The following LSP1 variants were observed in gnomAD, a reference collection of about 807,000 sequenced individuals.
The protein encoded by LSP1 is lymphocyte specific protein 1.
LSP1 carries 32 observed loss-of-function variants against 49.3 expected under a neutral mutation model. The ratio of observed to expected loss-of-function variants is 0.65; its 90% CI spans 0.49 to 0.87. The LOEUF (loss-of-function observed/expected upper bound fraction) is 0.87, where lower values mean the gene tolerates loss of function less well. LSP1 is among the 40% of genes least tolerant of loss of function. The probability of loss-of-function intolerance (pLI) is 0.00; values close to 1 mark genes in which losing one functional copy is unlikely to be tolerated. For missense variants in LSP1, 428 were observed against 442.6 expected (o/e 0.97, Z 0.30); for synonymous variants, 179 against 178.8 (o/e 1.00, Z -0.01).
chr11:1,854,118 G>C (rs1233207755), intron 1 of LSP1, among the ~76,000 whole-genome samples: 1 of 151,922 alleles, frequency 6.6e-6, no homozygotes, highest in African/African-American at 2.4e-5. Context: ...AGGGCTTTGA[G>C]GGGCAGAGGG....
chr11:1,883,423 G>A lies in LSP1; in HGVS notation c.361G>A (p.Gly121Ser), dbSNP rs770351321. 54 of 1,613,876 alleles carry A rather than the reference G, an allele frequency of 3.3e-5. No homozygotes were observed. The highest frequency in any genetic ancestry group is 6.7e-5 in the African/African-American group (5 of 74,928). ...TGCCTCCCTTTCCACCCACAGGCCC[G>A]GCCTGCATGCCTACGAAAAGGAGGA... Reference protein sequence around the residue: ...SPEGEQEDRPGLHAYEKEDSD... With the variant: ...SPEGEQEDRPSLHAYEKEDSD... The change falls in exon 4 of 11, where the codon GGC becomes AGC. Residue 121 changes from glycine (G) to serine (S), a missense_variant. By Grantham distance (56) the Gly-to-Ser change is moderately conservative. Transcript: ENST00000311604.
intron 1 of LSP1, chr11:1,869,131 C>A: frequency 1.5e-5 from 8 of 520,762 alleles, no homozygotes; most frequent in East Asian, 1.3e-4. Context: ...TTGGCCCCTG[C>A]CCCAGGCTCC....
At chr11:1,865,867 C>A (rs553368204) in intron 1 of LSP1, among the ~76,000 whole-genome samples, 1 of 152,140 alleles carries the variant, frequency 6.6e-6, no homozygotes, top group African/African-American at 2.4e-5. Flanking sequence ...GCTGAGCTTA[C>A]CGGCCCTGGC....
At chr11:1,881,661 G>T in intron 3 of LSP1, 65 bp downstream of exon 3, 1 of 1,438,588 alleles carries the variant, frequency 7.0e-7, no homozygotes, top group South Asian at 1.5e-5. Context: ...TCGAGGGCGG[G>T]CGCTGGGCAG....
intron 1 of LSP1, chr11:1,869,349 A>G (rs1847898453): frequency 3.3e-6 from 1 of 300,434 alleles, no homozygotes; most frequent in Non-Finnish European, 6.7e-6. Flanking sequence ...TGACAGAGAA[A>G]AGAAAGAAAG....
Position 1,884,931 on chromosome 11 carries a change from C to T in LSP1, c.717+350C>T, listed in dbSNP as rs1423053852. 2.0e-5 allele frequency among the ~76,000 whole-genome samples: 3 copies of T among 152,092 alleles called. No individual in the cohort carries two copies. Among genetic ancestry groups the T allele is most frequent in the Admixed American group, 2.0e-4 (3 of 15,278 alleles). ...CAGTGTTCCTCCATTCAATCAATGC[C>T]CCCCTCGGAACAGTACTCCACCACC... On this transcript the variant is annotated intron_variant, in intron 7 of 10. Coordinates refer to ENST00000311604, the MANE Select transcript of LSP1 (RefSeq NM_002339.3). This position sits in a 1 kb window ranked among gnomAD's most constrained non-coding sequence, Gnocchi z 4.1.
At chr11:1,861,702 GAT>G (rs1847635094) in intron 1 of LSP1, among the ~76,000 whole-genome samples, 2 of 140,946 alleles carry the variant, frequency 1.4e-5, no homozygotes, top group Admixed American at 7.2e-5. Flanking sequence ...TGGGTGGATG[GAT>G]GGATGGATGG....
At position 1,884,620 on chromosome 11, in the gene LSP1, C is replaced by A; in HGVS notation, c.717+39C>A. On this transcript the variant is annotated intron_variant, in intron 7 of 10. Transcript: ENST00000311604. The surrounding 1 kb of genome is among the most constrained non-coding windows in gnomAD (Gnocchi z 4.1). ...CCCCTCTGCTGTCAGGTCCCTCCTG[C>A]ATCCTGGCACCATTCCTTCATCCAA... 6.5e-7 allele frequency: 1 copy of A among 1,547,996 alleles called. No homozygotes were observed. Among genetic ancestry groups the A allele is most frequent in the Non-Finnish European group, 8.9e-7 (1 of 1,121,058 alleles).
chr11:1,864,245 T>C, intron 1 of LSP1: 1 of 983,910 alleles, frequency 1.0e-6, no homozygotes, highest in Non-Finnish European at 1.2e-6. Flanking sequence ...GTGAGGGAGG[T>C]GGCAGGTTGA....
intron 1 of LSP1, among the ~76,000 whole-genome samples, chr11:1,856,735 T>C (rs1847499139): frequency 6.6e-6 from 1 of 152,132 alleles, no homozygotes; most frequent in African/African-American, 2.4e-5. Context: ...GCCCATGGGA[T>C]GGAACCCCCC....
At chr11:1,873,587 A>G (rs930547288) in intron 1 of LSP1, among the ~76,000 whole-genome samples, 23 of 148,912 alleles carry the variant, frequency 1.5e-4, no homozygotes, top group African/African-American at 5.4e-4. Context: ...GGGAGGAAGA[A>G]GGGAGGATGG....
At position 1,887,468 on chromosome 11, in the gene LSP1, CA is replaced by C; in HGVS notation, c.931-4del. ...CACCTTCACTCTTGGTCTCCTTTCC[CA>C]ACAGAGCACCCCATCTGGGAAGAGG... On this transcript the variant is annotated splice_region_variant and splice_polypyrimidine_tract_variant and intron_variant, in intron 9 of 10. Transcript: ENST00000311604. 2 of 1,613,626 alleles carry C rather than the reference CA, an allele frequency of 1.2e-6. No individual in the cohort carries two copies. Among genetic ancestry groups the C allele is most frequent in the Admixed American group, 1.7e-5 (1 of 60,000 alleles).
chr11:1,890,833 G>A (rs757882373), intron 10 of LSP1: 8 of 561,742 alleles, frequency 1.4e-5, no homozygotes, highest in Non-Finnish European at 2.5e-5. Context: ...TCCCTCCAGG[G>A]ATGGGGCTAG....
intron 10 of LSP1, chr11:1,889,185 T>A: frequency 1.5e-6 from 1 of 675,728 alleles, no homozygotes; most frequent in Non-Finnish European, 2.7e-6. Flanking sequence ...GTTGAAGTTC[T>A]TGGGCTGGGG....
chr11:1,876,729 T>C, intron 1 of LSP1: 1 of 772,660 alleles, frequency 1.3e-6, no homozygotes, highest in Non-Finnish European at 1.5e-6. Context: ...GGGTGGGGGT[T>C]TGTGGAGGAA....
intron 10 of LSP1, chr11:1,889,619 T>C: frequency 1.6e-6 from 1 of 612,400 alleles, no homozygotes; most frequent in Non-Finnish European, 3.0e-6. Context: ...GGTGAGGGCC[T>C]GATGGTGGGG....
chr11:1,862,840 C>T (rs1466003673), intron 1 of LSP1, among the ~76,000 whole-genome samples: 2 of 152,030 alleles, frequency 1.3e-5, no homozygotes, highest in Non-Finnish European at 2.9e-5. Flanking sequence ...TGGGTGACCT[C>T]CCCTCCCCTG....
chr11:1,871,831 G>A (rs1166759742), intron 1 of LSP1, among the ~76,000 whole-genome samples: 1 of 149,300 alleles, frequency 6.7e-6, no homozygotes, highest in Non-Finnish European at 1.5e-5. Context: ...CTTTTGGGAC[G>A]GGGTGTGTGT....
At chr11:1,883,357 G>A in intron 3 of LSP1, 62 bp from the exon 4 acceptor site, 2 of 1,583,946 alleles carry the variant, frequency 1.3e-6, no homozygotes, top group Non-Finnish European at 1.7e-6. Context: ...TTGGAAAAAG[G>A]AAGGGGTCAA....
Sources: gnomAD v4.1 joint callset for allele counts (sites outside exome capture counted in the v4.1 genomes callset) on GRCh38, gnomAD v4.1.1 for gene constraint, Gnocchi (gnomAD v3.1) non-coding constraint, MANE v1.5 for transcripts, NCBI Gene and HGNC (gene_info 2026-07-23, HGNC 2026-07-21) for gene names.